PCDHA2: variants seen among roughly 807,000 people sequenced by gnomAD.
The protein encoded by PCDHA2 is protocadherin alpha 2, also known as protocadherin alpha-2.
A neutral mutation model predicts 66.0 loss-of-function variants in PCDHA2; 58 were observed. The observed-to-expected ratio is 0.88, with a 90% CI of 0.71 to 1.09. The LOEUF (loss-of-function observed/expected upper bound fraction) is 1.09, where lower values mean the gene tolerates loss of function less well. Among genes scored for constraint, PCDHA2 ranks in the 50% least tolerant of loss-of-function variants. The probability of loss-of-function intolerance (pLI) is 0.00; values close to 1 mark genes in which losing one functional copy is unlikely to be tolerated. For missense variants in PCDHA2, 1,267 were observed against 1,242.3 expected (o/e 1.02, Z -0.30); for synonymous variants, 634 against 554.0 (o/e 1.14, Z -2.03).
At chr5:140,947,956 A>G (rs1460892977) in intron 1 of PCDHA2, among the ~76,000 whole-genome samples, 2 of 151,570 alleles carry the variant, frequency 1.3e-5, no homozygotes, top group Non-Finnish European at 3.0e-5. Context: ...CATATTTTAC[A>G]ATTAAGTATG....
rs2150142239 is a variant in PCDHA2, at chr5:140,826,022, G to A, written c.2388+28670G>A. 2.0e-4 allele frequency among the ~76,000 whole-genome samples: 31 copies of A among 152,292 alleles called. No individual in the cohort carries two copies. The East Asian group carries it at 2.1e-3, about 10-fold the overall frequency. On this transcript the variant is annotated intron_variant, in intron 1 of 3. Coordinates refer to ENST00000526136, the MANE Select transcript of PCDHA2 (RefSeq NM_018905.3). ...TAGTCCACACTTTACATGATAAAAT[G>A]TGAATTCCCTATTTCTGTTGCTTTG...
chr5:140,851,092 A>G (rs371116217), intron 1 of PCDHA2: 2 of 1,292,902 alleles, frequency 1.5e-6, no homozygotes, highest in East Asian at 5.4e-5. Context: ...TATTAAATAG[A>G]TATTTTTTGG....
intron 3 of PCDHA2, among the ~76,000 whole-genome samples, chr5:141,004,166 A>C (rs2098156060): frequency 6.6e-6 from 1 of 152,278 alleles, no homozygotes; most frequent in Non-Finnish European, 1.5e-5. Context: ...AGGCAAAGCC[A>C]GCCAAGTGTC....
intron 1 of PCDHA2, chr5:140,841,810 A>C (rs2150323152): frequency 5.6e-6 from 9 of 1,613,740 alleles, no homozygotes; most frequent in East Asian, 2.2e-5. Flanking sequence ...CAGATGTTGG[A>C]GCTAACTCCG....
At chr5:140,906,124 G>A (rs1399975318) in intron 1 of PCDHA2, among the ~76,000 whole-genome samples, 2 of 151,992 alleles carry the variant, frequency 1.3e-5, no homozygotes, top group Non-Finnish European at 2.9e-5. Flanking sequence ...TGACACAAAT[G>A]TTAGTCTCCT....
chr5:140,850,754 G>A lies in PCDHA2; in HGVS notation c.2388+53402G>A, dbSNP rs2150497154. 7 of 1,598,000 alleles carry A rather than the reference G, an allele frequency of 4.4e-6. 1 individual carries two copies. In the African/African-American group the frequency reaches 6.7e-5, roughly 15 times the overall value. On this transcript the variant is annotated intron_variant, in intron 1 of 3. Transcript: ENST00000526136. ...TGGGGAGTTGGTCGTACTCGCAGCA[G>A]AGGAGGCAGAGGGTGTGCTCTGGCG...
chr5:140,928,570 C>T (rs2085340367), intron 1 of PCDHA2: 1 of 1,614,196 alleles, frequency 6.2e-7, no homozygotes, highest in African/African-American at 1.3e-5. Context: ...GTTTCCCTTG[C>T]CCAGAAATGG....
chr5:140,930,494 A>T (rs1238249815), intron 1 of PCDHA2: 3 of 152,500 alleles, frequency 2.0e-5, no homozygotes, highest in Admixed American at 6.6e-5. Flanking sequence ...AAGTGCTGGG[A>T]TTACAGGCAT....
chr5:140,929,058 A>G (rs372120484), intron 1 of PCDHA2: 2 of 1,614,072 alleles, frequency 1.2e-6, no homozygotes, highest in African/African-American at 2.7e-5. Context: ...GTCGCTCTAC[A>G]GAGGATCTGA....
intron 1 of PCDHA2, chr5:140,969,209 A>G (rs1586360550): frequency 1.2e-6 from 2 of 1,614,194 alleles, no homozygotes; most frequent in Non-Finnish European, 1.7e-6. Context: ...AGGGGCCCAG[A>G]CAGGACCAGG....
chr5:140,853,678 AC>A, intron 1 of PCDHA2: 1 of 988,418 alleles, frequency 1.0e-6, no homozygotes, highest in Non-Finnish European at 1.2e-6. Context: ...CCTATGGTCA[AC>A]CTATCCTTAG....
intron 1 of PCDHA2, chr5:140,808,887 C>T (rs782248203): frequency 5.6e-6 from 9 of 1,613,172 alleles, no homozygotes; most frequent in Non-Finnish European, 7.6e-6. Context: ...GCACTGCTAG[C>T]GCCTCGGGCG....
chr5:140,881,179 C>A (rs550594918), intron 1 of PCDHA2, among the ~76,000 whole-genome samples: 4 of 152,240 alleles, frequency 2.6e-5, no homozygotes, highest in African/African-American at 7.2e-5. Flanking sequence ...CTTTTCCTTG[C>A]TAAAGATATG....
rs201890234 is a variant in PCDHA2, at chr5:140,842,178, A to C, written c.2388+44826A>C. ...TCATATTCTTTTAATAGCCTTGTTG[A>C]AACTATGGTTATTGACCACTTTAGC... On this transcript the variant is annotated intron_variant, in intron 1 of 3. Transcript: ENST00000526136. 3.1e-4 allele frequency: 494 copies of C among 1,613,248 alleles called. 6 individuals are homozygous for C. Among genetic ancestry groups the C allele is most frequent in the African/African-American group, 2.3e-3 (170 of 74,856 alleles).
chr5:140,850,152 G>A (rs1433217072), intron 1 of PCDHA2: 1 of 1,595,430 alleles, frequency 6.3e-7, no homozygotes, highest in Non-Finnish European at 8.6e-7. Flanking sequence ...GACGCTGCAG[G>A]TGTTCGTGCT....
In PCDHA2 at chr5:140,796,726, G is replaced by C. The variant is rs781873607; in HGVS notation, c.1762G>C (p.Gly588Arg). The change falls in exon 1 of 4, where the codon GGG (glycine) becomes CGG (arginine). Residue 588 changes from glycine (G) to arginine (R), a missense_variant. Physicochemically the swap from Gly to Arg is moderately radical, Grantham distance 125 (BLOSUM62 -2). Transcript: ENST00000526136. The part of the protein sequence containing the change: ...SELVPWSVGA[G>R]HVVAKVRAVD... ...GCTGGTGCCGTGGTCGGTGGGTGCA[G>C]GGCACGTGGTGGCGAAGGTGCGCGC... The C allele has an allele frequency of 1.9e-6, 3 of 1,614,100 alleles. No individual in the cohort carries two copies. The South Asian group carries it at 3.3e-5, about 18-fold the overall frequency.
intron 2 of PCDHA2, 142 bp from the exon 3 acceptor site, chr5:140,982,333 A>C (rs2096978357): frequency 1.4e-6 from 2 of 1,438,566 alleles, no homozygotes; most frequent in Admixed American, 4.6e-5. Context: ...ACTGCTCAGC[A>C]GTAATTGCTT....
intron 1 of PCDHA2, among the ~76,000 whole-genome samples, chr5:140,890,937 A>G (rs2153432428): frequency 6.6e-6 from 1 of 152,254 alleles, no homozygotes; most frequent in South Asian, 2.1e-4. Flanking sequence ...TAGTCCAAAG[A>G]TGCTGGTGAG....
intron 1 of PCDHA2, among the ~76,000 whole-genome samples, chr5:140,826,639 T>C (rs1554130613): frequency 6.6e-6 from 1 of 152,114 alleles, no homozygotes; most frequent in African/African-American, 2.4e-5. Context: ...GACTTTTATA[T>C]GAAGGTAACA....
Sources: allele counts gnomAD v4.1 joint callset (sites outside exome capture counted in the v4.1 genomes callset), GRCh38; gene constraint gnomAD v4.1.1; transcripts MANE v1.5; gene names NCBI Gene and HGNC (gene_info 2026-07-23, HGNC 2026-07-21).